Variants in CD58 observed in about 807,000 individuals in gnomAD.
CD58 encodes the protein CD58 molecule.
In CD58, 14 loss-of-function variants were observed where a neutral mutation model predicts 27.6. The observed-to-expected ratio is 0.51, with a 90% confidence interval of 0.34 to 0.79. The LOEUF (loss-of-function observed/expected upper bound fraction) is 0.79, where lower values mean the gene tolerates loss of function less well. CD58 is among the 30% of genes least tolerant of loss of function. The probability of loss-of-function intolerance (pLI) is 0.02; values close to 1 mark genes in which losing one functional copy is unlikely to be tolerated. For synonymous variants in CD58, 117 were observed against 103.8 expected (o/e 1.13, Z -0.77); for missense variants, 268 against 301.7 (o/e 0.89, Z 0.83).
At chr1:116,551,076 T>G (rs1658373462) in intron 1 of CD58, among the ~76,000 whole-genome samples, 1 of 152,142 alleles carries the variant, frequency 6.6e-6, no homozygotes, top group African/African-American at 2.4e-5. Flanking sequence ...ACAAGCAGAA[T>G]AGATTTAGCC....
At chr1:116,568,477 C>A (rs1284341813) in intron 1 of CD58, among the ~76,000 whole-genome samples, 1 of 152,184 alleles carries the variant, frequency 6.6e-6, no homozygotes, top group African/African-American at 2.4e-5. Flanking sequence ...ACTTCCATCA[C>A]CCCTTTCTTT....
chr1:116,564,313 A>G (rs1658861804), intron 1 of CD58, among the ~76,000 whole-genome samples: 1 of 152,206 alleles, frequency 6.6e-6, no homozygotes, highest in Admixed American at 6.5e-5. Context: ...GGAAGTTCCA[A>G]ACTTTCCCAC....
chr1:116,567,076 G>C (rs1304833636), intron 1 of CD58, among the ~76,000 whole-genome samples: 1 of 151,042 alleles, frequency 6.6e-6, no homozygotes, highest in Non-Finnish European at 1.5e-5. Context: ...GGAGATCAAG[G>C]CTGCAGTGAG....
At chr1:116,562,672 A>C (rs1475994302) in intron 1 of CD58, among the ~76,000 whole-genome samples, 1 of 152,230 alleles carries the variant, frequency 6.6e-6, no homozygotes, top group Admixed American at 6.5e-5. Context: ...GTGGCAGGCA[A>C]GAGAGAGCGT....
chr1:116,525,665 G>A (rs1272244569), intron 3 of CD58, among the ~76,000 whole-genome samples: 1 of 152,210 alleles, frequency 6.6e-6, no homozygotes, highest in Non-Finnish European at 1.5e-5. Context: ...ATGAATGAGA[G>A]TTGCTCCACA....
intron 1 of CD58, among the ~76,000 whole-genome samples, chr1:116,564,992 G>A (rs1571093583): frequency 1.3e-5 from 2 of 152,208 alleles, no homozygotes; most frequent in East Asian, 3.9e-4. Context: ...ACTAATGCAA[G>A]CCCACACCAA....
Position 116,535,946 on chromosome 1 carries a change from C to T in CD58, c.628+19G>A. ...CTGTGGTCTGAAAGCCTCCATGACA[C>T]ATTTAGTTATTTACTCACCGCTGCT... On this transcript the variant is annotated intron_variant, in intron 3 of 5. Coordinates refer to ENST00000369489, the MANE Select transcript of CD58 (RefSeq NM_001779.3). 2 of 1,580,018 alleles carry T rather than the reference C, an allele frequency of 1.3e-6. No individual in the cohort carries two copies. Among genetic ancestry groups the T allele is most frequent in the South Asian group, 2.2e-5 (2 of 89,832 alleles).
rs146204237 is a variant in CD58, at chr1:116,570,032, G to A, written c.70+871C>T. Among the ~76,000 whole-genome samples the A allele has an allele frequency of 1.3e-5, 2 of 152,228 alleles. No individual in the cohort carries two copies. The highest frequency in any genetic ancestry group is 2.4e-5 in the African/African-American group (1 of 41,474). ...GGCAGGCAGCGGACGCTGAGCAAAC[G>A]GACGGACGGGCTGGAGGGCTGGCAG... On this transcript the variant is annotated intron_variant, in intron 1 of 5. Transcript: ENST00000369489. This position sits in a 1 kb window ranked among gnomAD's most constrained non-coding sequence, Gnocchi z 6.4.
chr1:116,533,945 G>A lies in CD58; in HGVS notation c.628+2020C>T. 6 of 1,421,778 alleles carry A rather than the reference G, an allele frequency of 4.2e-6. No homozygotes were observed. The South Asian group carries it at 7.0e-5, about 16-fold the overall frequency. The allele number at this position is 1,421,778 out of a possible 1,614,324, so 88.1% of individuals were successfully genotyped here. A position where few individuals can be genotyped will look rare whatever the true frequency, so the allele number is the denominator to read the frequency against. On this transcript the variant is annotated intron_variant, in intron 3 of 5. Coordinates refer to ENST00000369489, the MANE Select transcript of CD58 (RefSeq NM_001779.3). ...GTTTCGATGTAGCTGGAAGGGGTGT[G>A]AGGGGCATTGTCAAGTCGCTCCTGT...
At chr1:116,556,304 A>C (rs185803800) in intron 1 of CD58, among the ~76,000 whole-genome samples, 43 of 151,960 alleles carry the variant, frequency 2.8e-4, no homozygotes, top group Admixed American at 8.5e-4. Context: ...AAACATATTA[A>C]GAAGGTTTTA....
rs1024950263 is a variant in CD58, at chr1:116,519,907, C to A, written c.707-640G>T. On this transcript the variant is annotated intron_variant, in intron 4 of 5. Coordinates refer to ENST00000369489, the MANE Select transcript of CD58 (RefSeq NM_001779.3). This position sits in a 1 kb window ranked among gnomAD's most constrained non-coding sequence, Gnocchi z 4.7. Reference sequence around the variant, plus strand: ...CATGCATGCATCACTTTCCTGCCCACAGTAGGCATCCGCCTGACCCTAGAA... The same window carrying A: ...CATGCATGCATCACTTTCCTGCCCAAAGTAGGCATCCGCCTGACCCTAGAA... Among the ~76,000 whole-genome samples, 1 of 152,184 alleles carries A rather than the reference C, an allele frequency of 6.6e-6. No homozygotes were observed. The highest frequency in any genetic ancestry group is 2.4e-5 in the African/African-American group (1 of 41,446).
intron 2 of CD58, among the ~76,000 whole-genome samples, chr1:116,537,562 C>T (rs1417818102): frequency 3.3e-5 from 5 of 152,174 alleles, no homozygotes; most frequent in Admixed American, 1.3e-4. Context: ...GTGTCACAGA[C>T]CTGCCTGTCC....
chr1:116,520,499 T>A (rs1033450877), intron 4 of CD58, among the ~76,000 whole-genome samples: 13 of 151,688 alleles, frequency 8.6e-5, no homozygotes, highest in African/African-American at 3.1e-4. Context: ...TTTCTGTATA[T>A]TGAATGACTT....
In CD58 at chr1:116,516,665, C is replaced by T. The variant is rs1657090265; in HGVS notation, c.744-1843G>A. ...CCTGGAATGCCTTTTCTACTCCACT[C>T]TTGTTCTGAAAATGTAGGTCACATC... On this transcript the variant is annotated intron_variant, in intron 5 of 5. Transcript: ENST00000369489. The surrounding 1 kb of genome is among the most constrained non-coding windows in gnomAD (Gnocchi z 6.1). Among the ~76,000 whole-genome samples the T allele has an allele frequency of 6.6e-6, 1 of 152,208 alleles. No homozygotes were observed. The highest frequency in any genetic ancestry group is 2.4e-5 in the African/African-American group (1 of 41,442).
rs150992983 is a variant in CD58 at position 116,517,112 on chromosome 1, C to T, written c.743+2119G>A. Among the ~76,000 whole-genome samples, 1 of 152,206 alleles carries T rather than the reference C, an allele frequency of 6.6e-6. No individual in the cohort carries two copies. The highest frequency in any genetic ancestry group is 1.9e-4 in the East Asian group (1 of 5,170). On this transcript the variant is annotated intron_variant, in intron 5 of 5. Transcript: ENST00000369489. This position sits in a 1 kb window ranked among gnomAD's most constrained non-coding sequence, Gnocchi z 6.5. The stretch of plus-strand genomic sequence containing the variant: ...ATTGGTAGTGATGGCTATGCCTCCC[C>T]CATCCACTCAGAGTTCCCCTCCACT...
chr1:116,537,383 A>T (rs977317436), intron 2 of CD58, among the ~76,000 whole-genome samples: 1 of 152,226 alleles, frequency 6.6e-6, no homozygotes, highest in Admixed American at 6.5e-5. Context: ...AAAATGTAAA[A>T]AAAAATTTTA....
intron 2 of CD58, among the ~76,000 whole-genome samples, chr1:116,542,447 T>A (rs1360272702): frequency 2.6e-5 from 4 of 152,176 alleles, no homozygotes. Context: ...TAGAGGAGTT[T>A]TGGCATAGCA....
chr1:116,532,860 T>C lies in CD58; in HGVS notation c.628+3105A>G, dbSNP rs1657663171. On this transcript the variant is annotated intron_variant, in intron 3 of 5. Coordinates refer to ENST00000369489, the MANE Select transcript of CD58 (RefSeq NM_001779.3). The surrounding 1 kb of genome is among the most constrained non-coding windows in gnomAD (Gnocchi z 5.1). Reference sequence around the variant, plus strand: ...GCGCTGTCGACGGGATTGTGCCGCATGCGGCAAAGACTGAGGCCTCCCGCT... The same window carrying C: ...GCGCTGTCGACGGGATTGTGCCGCACGCGGCAAAGACTGAGGCCTCCCGCT... The C allele has an allele frequency of 3.1e-6, 2 of 639,334 alleles. No individual in the cohort carries two copies. The highest frequency in any genetic ancestry group is 3.7e-5 in the African/African-American group (2 of 54,594). The allele number at this position is 639,334 out of a possible 1,614,324, so 39.6% of individuals were successfully genotyped here. A position where few individuals can be genotyped will look rare whatever the true frequency, so the allele number is the denominator to read the frequency against.
At chr1:116,558,178 A>G (rs1381099782) in intron 1 of CD58, among the ~76,000 whole-genome samples, 1 of 152,120 alleles carries the variant, frequency 6.6e-6, no homozygotes, top group Admixed American at 6.5e-5. Flanking sequence ...AAGAAAGAAA[A>G]AAGAAAAATT....
Sources: gnomAD v4.1 joint callset for allele counts (sites outside exome capture counted in the v4.1 genomes callset) on GRCh38, gnomAD v4.1.1 for gene constraint, Gnocchi (gnomAD v3.1) non-coding constraint, MANE v1.5 for transcripts, NCBI Gene and HGNC (gene_info 2026-07-23, HGNC 2026-07-21) for gene names.